Variants in TEK observed in about 807,000 individuals in gnomAD.
TEK encodes the protein TEK receptor tyrosine kinase.
TEK carries 43 observed loss-of-function variants against 131.8 expected under a neutral mutation model. That is an observed-to-expected ratio of 0.33 (90% CI 0.26 to 0.42). The LOEUF (loss-of-function observed/expected upper bound fraction) is 0.42. Among genes scored for constraint, TEK ranks in the 10% least tolerant of loss-of-function variants. TEK has a pLI of 1.00. For synonymous variants in TEK, 580 were observed against 491.6 expected (o/e 1.18, Z -2.38); for missense variants, 1,162 against 1,384.4 (o/e 0.84, Z 2.55).
chr9:27,122,900 A>G (rs1204687630), intron 1 of TEK, among the ~76,000 whole-genome samples: 1 of 151,638 alleles, frequency 6.6e-6, no homozygotes, highest in Non-Finnish European at 1.5e-5. Flanking sequence ...AAAAATACAA[A>G]AAATTAGCCA....
rs150777503 is a variant in TEK, at chr9:27,141,194, T to G, written c.53-16637T>G. Among the ~76,000 whole-genome samples the G allele has an allele frequency of 3.4e-3, 520 of 152,274 alleles. 3 individuals are homozygous for G. The highest frequency in any genetic ancestry group is 0.012 in the African/African-American group (499 of 41,580). ...TTCTAACATATTGTTTTATACTTTA[T>G]TTTTTACACTTTCCTGTTTTTCCTT... On this transcript the variant is annotated intron_variant, in intron 1 of 22. Coordinates refer to ENST00000380036, the MANE Select transcript of TEK (RefSeq NM_000459.5).
Position 27,176,532 on chromosome 9 carries a change from G to GT in TEK, c.901+3177dup, listed in dbSNP as rs529558370. On this transcript the variant is annotated intron_variant, in intron 6 of 22. Coordinates refer to ENST00000380036, the MANE Select transcript of TEK (RefSeq NM_000459.5). Reference sequence around the variant, plus strand: ...GCTTTGAGTAAGAAGTTGTGATTAAGTTTTTTTCCAGCTTTATCAAGGTCT... The same window carrying GT: ...GCTTTGAGTAAGAAGTTGTGATTAAGTTTTTTTTCCAGCTTTATCAAGGTCT... Among the ~76,000 whole-genome samples the GT allele has an allele frequency of 1.2e-4, 18 of 152,268 alleles. No individual in the cohort carries two copies. In the East Asian group the frequency reaches 2.9e-3, roughly 25 times the overall value.
intron 9 of TEK, among the ~76,000 whole-genome samples, chr9:27,188,276 G>T (rs758473434): frequency 1.3e-5 from 2 of 152,136 alleles, no homozygotes; most frequent in Admixed American, 6.6e-5. Flanking sequence ...CTGAGTGGTG[G>T]TTACATGGGT....
chr9:27,164,152 T>G (rs1823640329), intron 2 of TEK, among the ~76,000 whole-genome samples: 1 of 152,188 alleles, frequency 6.6e-6, no homozygotes, highest in Non-Finnish European at 1.5e-5. Context: ...GTATATGCTG[T>G]GTGATCTTGG....
intron 9 of TEK, among the ~76,000 whole-genome samples, chr9:27,189,386 T>A (rs949521322): frequency 1.3e-5 from 2 of 152,210 alleles, no homozygotes; most frequent in African/African-American, 4.8e-5. Flanking sequence ...AGATGTACTT[T>A]ATATCTCTTT....
At chr9:27,147,328 A>G (rs748764447) in intron 1 of TEK, among the ~76,000 whole-genome samples, 3 of 151,992 alleles carry the variant, frequency 2.0e-5, no homozygotes, top group Non-Finnish European at 4.4e-5. Context: ...TAGCATTTCC[A>G]TAATGTTTAA....
At chr9:27,122,791 C>T (rs1020291898) in intron 1 of TEK, among the ~76,000 whole-genome samples, 2 of 151,910 alleles carry the variant, frequency 1.3e-5, no homozygotes, top group Admixed American at 6.6e-5. Context: ...CAGTGGCTCA[C>T]GCCTGTAATC....
rs1826474935 is a variant in TEK at position 27,229,421 on chromosome 9, G to A, written c.*189G>A. 1 of 631,716 alleles carries A rather than the reference G, an allele frequency of 1.6e-6. No homozygotes were observed. Among genetic ancestry groups the A allele is most frequent in the Non-Finnish European group, 2.9e-6 (1 of 348,906 alleles). 39.1% of individuals were successfully genotyped at this position (631,716 alleles called of 1,614,324 possible). A position where few individuals can be genotyped will look rare whatever the true frequency, so the allele number is the denominator to read the frequency against. On this transcript the variant is annotated 3_prime_UTR_variant, in exon 23 of 23. Coordinates refer to ENST00000380036, the MANE Select transcript of TEK (RefSeq NM_000459.5). ...AGTATGCTCTGACTCTAATAGGACT[G>A]TATATACTGTTTTAAGAATGGGCTG...
At position 27,135,215 on chromosome 9, in the gene TEK, C is replaced by CT. The variant is rs34646855; in HGVS notation, c.53-22600dup. On this transcript the variant is annotated intron_variant, in intron 1 of 22. Coordinates refer to ENST00000380036, the MANE Select transcript of TEK (RefSeq NM_000459.5). Reference sequence around the variant, plus strand: ...CTCCAGCCTTGGTGACAGAGTGAGACTTTTTTTTTTTTTTTTGAGACAAAG... The same window carrying CT: ...CTCCAGCCTTGGTGACAGAGTGAGACTTTTTTTTTTTTTTTTTGAGACAAAG... 5.7e-3 allele frequency among the ~76,000 whole-genome samples: 804 copies of CT among 141,714 alleles called. 8 individuals carry two copies. Among genetic ancestry groups the CT allele is most frequent in the African/African-American group, 0.013 (510 of 38,998 alleles). 93.0% of individuals were successfully genotyped at this position (141,714 alleles called of 152,430 possible).
At chr9:27,173,419 T>A (rs1824039915) in intron 6 of TEK, 57 bp downstream of exon 6, 1 of 1,610,568 alleles carries the variant, frequency 6.2e-7, no homozygotes, top group South Asian at 1.1e-5. Flanking sequence ...ATAAAGGAGA[T>A]CCAGTTTGCT....
At chr9:27,225,117 C>G (rs1314212230) in intron 21 of TEK, among the ~76,000 whole-genome samples, 1 of 152,146 alleles carries the variant, frequency 6.6e-6, no homozygotes, top group Admixed American at 6.5e-5. Flanking sequence ...AGGACACAAA[C>G]AAATGGAAAA....
Position 27,168,541 on chromosome 9 carries a change from T to TAA in TEK, c.412_413dup (p.Asn138LysfsTer3), listed in dbSNP as rs1409245652. On this transcript the variant is annotated frameshift_variant, in exon 3 of 23. Coordinates refer to ENST00000380036, the MANE Select transcript of TEK (RefSeq NM_000459.5). LOFTEE classifies it high-confidence loss of function. ...TAACTATGACTGTGGACAAGGGAGA[T>TAA]AACGTGAACATATCTTTCAAAAAGG... is the stretch of plus-strand genomic sequence containing the variant. 3 of 1,613,860 alleles carry TAA rather than the reference T, an allele frequency of 1.9e-6. No homozygotes were observed. Among genetic ancestry groups the TAA allele is most frequent in the Non-Finnish European group, 2.5e-6 (3 of 1,179,920 alleles).
intron 10 of TEK, 66 bp from the exon 11 acceptor site, chr9:27,192,423 A>T: frequency 3.1e-6 from 5 of 1,602,432 alleles, no homozygotes; most frequent in Non-Finnish European, 4.3e-6. Flanking sequence ...CGCAATAACA[A>T]CAACCCCGGC....
chr9:27,222,003 G>A (rs1826104011), intron 21 of TEK, among the ~76,000 whole-genome samples: 2 of 152,310 alleles, frequency 1.3e-5, no homozygotes, highest in South Asian at 2.1e-4. Flanking sequence ...AAAAAGGTTA[G>A]ATGAATTGCA....
At chr9:27,112,523 C>G (rs1025595713) in intron 1 of TEK, among the ~76,000 whole-genome samples, 1 of 152,148 alleles carries the variant, frequency 6.6e-6, no homozygotes, top group African/African-American at 2.4e-5. Flanking sequence ...CTGGAAGAGT[C>G]TAGTTCTTCC....
At chr9:27,216,504 C>T (rs1405590919) in intron 18 of TEK, among the ~76,000 whole-genome samples, 1 of 152,102 alleles carries the variant, frequency 6.6e-6, no homozygotes, top group Non-Finnish European at 1.5e-5. Context: ...GTTAGAATAA[C>T]AGCTGGGAGA....
chr9:27,225,716 C>A (rs1320710613), intron 21 of TEK, among the ~76,000 whole-genome samples: 2 of 152,162 alleles, frequency 1.3e-5, no homozygotes, highest in Non-Finnish European at 2.9e-5. Flanking sequence ...GCGATGGCAA[C>A]AAAAGCCAAA....
At chr9:27,171,509 A>T (rs1823955942) in intron 4 of TEK, among the ~76,000 whole-genome samples, 1 of 152,174 alleles carries the variant, frequency 6.6e-6, no homozygotes, top group East Asian at 1.9e-4. Flanking sequence ...GAAAAATGAC[A>T]ATAGAAGTAT....
rs773380552 is a variant in TEK at position 27,180,352 on chromosome 9, C to G, written c.1014C>G (p.Leu338=). 2.5e-6 allele frequency: 4 copies of G among 1,613,306 alleles called. No homozygotes were observed. In the East Asian group the frequency reaches 8.9e-5, roughly 36 times the overall value. ...GCLCSPGWQG[L]QCEREGIQRM... ...TCTGCTCTCCAGGATGGCAGGGGCT[C>G]CAGTGTGAGAGAGAAGGTAAAGCAA... Residue 338 remains leucine, a synonymous_variant, in exon 7 of 23, where the codon CTC becomes CTG. Transcript: ENST00000380036.
Sources: gnomAD v4.1 joint callset for allele counts (sites outside exome capture counted in the v4.1 genomes callset) on GRCh38, gnomAD v4.1.1 for gene constraint, MANE v1.5 for transcripts, NCBI Gene and HGNC (gene_info 2026-07-23, HGNC 2026-07-21) for gene names.